The following KNTC1 variants were observed in gnomAD, a reference collection of about 807,000 sequenced individuals.
The protein encoded by KNTC1 is kinetochore-associated protein 1.
KNTC1 carries 253 observed loss-of-function variants against 314.4 expected under a neutral mutation model. The ratio of observed to expected loss-of-function variants is 0.80; its 90% CI spans 0.73 to 0.89. The LOEUF (loss-of-function observed/expected upper bound fraction) is 0.89, where lower values mean the gene tolerates loss of function less well. Ranked by LOEUF, KNTC1 falls within the 40% of genes least tolerant of loss-of-function variation. The probability of loss-of-function intolerance (pLI) is 0.00; values close to 1 mark genes in which losing one functional copy is unlikely to be tolerated. For synonymous variants in KNTC1, 901 were observed against 901.4 expected (o/e 1.00, Z 0.01); for missense variants, 2,475 against 2,572.9 (o/e 0.96, Z 0.82).
chr12:122,583,045 C>T, intron 34 of KNTC1, 60 bp downstream of exon 34: 1 of 1,470,830 alleles, frequency 6.8e-7, no homozygotes, highest in Non-Finnish European at 9.2e-7. Flanking sequence ...GGCACGGTAA[C>T]TCATACCTGT....
At chr12:122,594,725 A>G (rs145952277) in intron 43 of KNTC1, among the ~76,000 whole-genome samples, 20 of 152,338 alleles carry the variant, frequency 1.3e-4, no homozygotes, top group Middle Eastern at 3.4e-3. Flanking sequence ...GGTGATTCCT[A>G]TGATCAGAAA....
intron 22 of KNTC1, among the ~76,000 whole-genome samples, chr12:122,570,675 G>A (rs1328141750): frequency 6.6e-6 from 1 of 151,970 alleles, no homozygotes; most frequent in East Asian, 1.9e-4. Context: ...ATTTCACATT[G>A]CTTGCCTGTA....
chr12:122,604,981 G>A lies in KNTC1; in HGVS notation c.5280G>A (p.Glu1760=), dbSNP rs1406423615. 1 of 1,613,002 alleles carries A rather than the reference G, an allele frequency of 6.2e-7. No individual in the cohort carries two copies. The highest frequency in any genetic ancestry group is 2.2e-5 in the East Asian group (1 of 44,872). ...AVLIAHKLNT[E]EYLRVIGKPA... ...TCATAGCCCACAAGCTGAACACTGA[G>A]GAATATTTAAGAGTGATCGGAAAGC... The change falls in exon 50 of 64, where the codon GAG becomes GAA. Residue 1760 remains glutamate (E), a synonymous_variant. Coordinates refer to ENST00000333479, the MANE Select transcript of KNTC1 (RefSeq NM_014708.6).
intron 28 of KNTC1, 35 bp from the exon 29 acceptor site, chr12:122,575,765 A>T (rs1246604297): frequency 1.9e-6 from 3 of 1,571,414 alleles, no homozygotes; most frequent in Non-Finnish European, 2.6e-6. Flanking sequence ...CATAAAAAAG[A>T]CAATCCATGT....
intron 20 of KNTC1, chr12:122,563,803 T>C: frequency 6.8e-7 from 1 of 1,476,124 alleles, no homozygotes; most frequent in Non-Finnish European, 9.1e-7. Context: ...TCCACAGTTT[T>C]TTCAGCTTCA....
chr12:122,600,247 G>A (rs1408442013), intron 44 of KNTC1, among the ~76,000 whole-genome samples: 1 of 151,812 alleles, frequency 6.6e-6, no homozygotes, highest in Admixed American at 6.6e-5. Flanking sequence ...CTACAGGCAC[G>A]CACTACCATG....
At chr12:122,554,908 G>T (rs879346376) in intron 16 of KNTC1, among the ~76,000 whole-genome samples, 2 of 152,144 alleles carry the variant, frequency 1.3e-5, no homozygotes, top group Non-Finnish European at 2.9e-5. Flanking sequence ...GGGTGGGCGT[G>T]GTGGTGTGCG....
chr12:122,621,184 A>G (rs898799997), intron 60 of KNTC1, among the ~76,000 whole-genome samples: 2 of 152,196 alleles, frequency 1.3e-5, no homozygotes, highest in African/African-American at 4.8e-5. Context: ...AGGAGCCACA[A>G]GCATTTTGGG....
At chr12:122,547,267 C>G in intron 10 of KNTC1, 148 bp from the exon 11 acceptor site, 1 of 537,546 alleles carries the variant, frequency 1.9e-6, no homozygotes, top group Non-Finnish European at 3.3e-6. Context: ...CCCAGCTACT[C>G]AGGAATCTGA....
At chr12:122,549,435 C>T (rs894887338) in intron 12 of KNTC1, among the ~76,000 whole-genome samples, 4 of 152,108 alleles carry the variant, frequency 2.6e-5, no homozygotes, top group Admixed American at 6.6e-5. Context: ...CTGCAACCTC[C>T]GTCTCCTGGG....
chr12:122,596,222 A>G (rs1871021586), intron 43 of KNTC1, among the ~76,000 whole-genome samples: 1 of 151,444 alleles, frequency 6.6e-6, no homozygotes, highest in Admixed American at 6.6e-5. Flanking sequence ...AGTTGGGATT[A>G]CAGGCGCATG....
At chr12:122,529,652 A>G (rs1961138826) in intron 1 of KNTC1, among the ~76,000 whole-genome samples, 2 of 152,216 alleles carry the variant, frequency 1.3e-5, no homozygotes, top group Admixed American at 1.3e-4. Flanking sequence ...TTAAAGGTTT[A>G]TTTCTAATGA....
chr12:122,541,334 T>TTCCTTCCTTCCTTCCTTCCTTC (rs1565934838), intron 5 of KNTC1, among the ~76,000 whole-genome samples: 1 of 147,422 alleles, frequency 6.8e-6, no homozygotes, highest in African/African-American at 2.5e-5. Context: ...CCGTCCTTCC[T>TTCCTTCCTTCCTTCCTTCCTTC]CTGTCTCTCC....
rs747823877 is a variant in KNTC1 at position 122,538,356 on chromosome 12, G to C, written c.268G>C (p.Val90Leu). 1.4e-5 allele frequency: 23 copies of C among 1,597,566 alleles called. No homozygotes were observed. The highest frequency in any genetic ancestry group is 1.7e-4 in the Middle Eastern group (1 of 6,036). ...HLVFDTEVDV[V>L]GLCQEGKFLL... ...ATTTTCAGATACTGAAGTGGATGTAGTTGGCCTTTGTCAAGAAGGAAAGTT... is the reference window on the plus strand; with the variant it reads ...ATTTTCAGATACTGAAGTGGATGTACTTGGCCTTTGTCAAGAAGGAAAGTT... Residue 90 changes from valine (V) to leucine (L), a missense_variant, in exon 4 of 64, where the codon GTT becomes CTT. Val to Leu is a conservative substitution (Grantham distance 32, BLOSUM62 1). Transcript: ENST00000333479.
At chr12:122,580,058 C>G in intron 32 of KNTC1, 81 bp downstream of exon 32, 1 of 885,488 alleles carries the variant, frequency 1.1e-6, no homozygotes, top group Non-Finnish European at 1.8e-6. Flanking sequence ...AGACAACTCT[C>G]ACCGTACCCG....
chr12:122,590,618 T>C lies in KNTC1; in HGVS notation c.4011T>C (p.Cys1337=), dbSNP rs1402327164. 1 of 1,612,342 alleles carries C rather than the reference T, an allele frequency of 6.2e-7. No homozygotes were observed. The highest frequency in any genetic ancestry group is 2.2e-5 in the East Asian group (1 of 44,846). ...GTTTCTTCCTGTAGGTATTTAATTG[T>C]CGCTTGGTAGATCTTGACCTGGCGT... The part of the protein sequence containing the change: ...ATTLLHKVFN[C]RLVDLDLALG... The change falls in exon 41 of 64, where the codon TGT becomes TGC. Residue 1337 remains cysteine, a synonymous_variant. Transcript: ENST00000333479.
At chr12:122,575,449 G>A in intron 27 of KNTC1, 94 bp from the exon 28 acceptor site, 4 of 769,444 alleles carry the variant, frequency 5.2e-6, no homozygotes, top group Non-Finnish European at 6.7e-6. Flanking sequence ...CTACCATGTG[G>A]TTGATGTAAG....
chr12:122,541,219 T>C (rs1962284616), intron 5 of KNTC1, among the ~76,000 whole-genome samples: 4 of 151,532 alleles, frequency 2.6e-5, no homozygotes, highest in Admixed American at 1.3e-4. Flanking sequence ...ACCTTCAAAT[T>C]GACATATTTT....
chr12:122,562,688 A>G lies in KNTC1; in HGVS notation c.1593A>G (p.Pro531=). 1 of 1,608,174 alleles carries G rather than the reference A, an allele frequency of 6.2e-7. No homozygotes were observed. The highest frequency in any genetic ancestry group is 8.5e-7 in the Non-Finnish European group (1 of 1,175,118). ...CTACTTTTTATGGAGCATTTGGACC[A>G]GAAAAATTCAGGTGTGTACATTTTT... ...KLTTFYGAFG[P]EKFSGSSWIE... The change falls in exon 20 of 64, where the codon CCA becomes CCG. Residue 531 remains proline, a synonymous_variant. Coordinates refer to ENST00000333479, the MANE Select transcript of KNTC1 (RefSeq NM_014708.6).
Sources: allele counts gnomAD v4.1 joint callset (sites outside exome capture counted in the v4.1 genomes callset), GRCh38; gene constraint gnomAD v4.1.1; transcripts MANE v1.5; gene names NCBI Gene and HGNC (gene_info 2026-07-23, HGNC 2026-07-21).